Variants in USP24 observed in about 807,000 individuals in gnomAD.
The protein encoded by USP24 is ubiquitin carboxyl-terminal hydrolase 24.
USP24 carries 97 observed loss-of-function variants against 361.6 expected under a neutral mutation model. The observed-to-expected ratio is 0.27, with a 90% CI of 0.23 to 0.32. The LOEUF (loss-of-function observed/expected upper bound fraction) is 0.32, where lower values mean the gene tolerates loss of function less well. USP24 is among the 10% of genes least tolerant of loss of function. USP24 has a pLI of 1.00. For synonymous variants in USP24, 1,098 were observed against 1,124.6 expected, an observed-to-expected ratio of 0.98 and a Z score of 0.47; for missense variants, 2,353 against 3,165.6, an observed-to-expected ratio of 0.74 and a Z score of 6.16.
At chr1:55,175,152 G>A (rs904803155) in intron 3 of USP24, among the ~76,000 whole-genome samples, 1 of 150,014 alleles carries the variant, frequency 6.7e-6, no homozygotes, top group African/African-American at 2.4e-5. Flanking sequence ...AATCAAGGGA[G>A]ATTCTGCCTA....
intron 41 of USP24, 83 bp downstream of exon 41, chr1:55,106,063 C>G (rs1645764819): frequency 9.2e-7 from 1 of 1,082,664 alleles, no homozygotes; most frequent in Middle Eastern, 2.0e-4. Flanking sequence ...GGAAGACAAA[C>G]TCCAAGTTAA....
chr1:55,195,317 G>C (rs1018168101), intron 1 of USP24, among the ~76,000 whole-genome samples: 1 of 152,168 alleles, frequency 6.6e-6, no homozygotes, highest in Non-Finnish European at 1.5e-5. Context: ...TTCTCAGCCT[G>C]ATAAATTCCT....
intron 1 of USP24, among the ~76,000 whole-genome samples, chr1:55,197,772 T>C (rs1644459793): frequency 6.6e-6 from 1 of 152,226 alleles, no homozygotes; most frequent in South Asian, 2.1e-4. Flanking sequence ...AGTGACCAGG[T>C]GCTTAGGACA....
At chr1:55,119,622 G>C (rs908619093) in intron 38 of USP24, among the ~76,000 whole-genome samples, 1 of 151,906 alleles carries the variant, frequency 6.6e-6, no homozygotes, top group Non-Finnish European at 1.5e-5. Context: ...ACGTGTCTTT[G>C]AACAGTCTGT....
chr1:55,107,466 A>G, intron 39 of USP24, 36 bp from the exon 40 acceptor site: 1 of 1,517,450 alleles, frequency 6.6e-7, no homozygotes, highest in South Asian at 1.3e-5. Context: ...ACAAAGAAAG[A>G]AGGATTTCCC....
chr1:55,115,179 T>C (rs529604685), intron 38 of USP24, among the ~76,000 whole-genome samples: 44 of 152,150 alleles, frequency 2.9e-4, no homozygotes, highest in Middle Eastern at 3.4e-3. Flanking sequence ...AAAACCGCAA[T>C]GAGATACCAT....
chr1:55,122,993 AGGACCTGAG>A (rs1646326356), intron 36 of USP24, among the ~76,000 whole-genome samples: 1 of 152,204 alleles, frequency 6.6e-6, no homozygotes, highest in African/African-American at 2.4e-5. Flanking sequence ...AAGAGATGAT[AGGACCTGAG>A]CCCTGGGGTG....
chr1:55,103,616 T>C (rs2100518365), intron 42 of USP24, among the ~76,000 whole-genome samples: 1 of 152,348 alleles, frequency 6.6e-6, no homozygotes, highest in South Asian at 2.1e-4. Flanking sequence ...TAGGTTGGAA[T>C]GCTACTTTTT....
chr1:55,145,785 T>C (rs1647012098), intron 20 of USP24, among the ~76,000 whole-genome samples: 1 of 152,192 alleles, frequency 6.6e-6, no homozygotes, highest in South Asian at 2.1e-4. Context: ...CAATTTGATC[T>C]AGCAGGCCAT....
At chr1:55,211,560 A>G (rs574734213) in intron 1 of USP24, among the ~76,000 whole-genome samples, 1 of 152,318 alleles carries the variant, frequency 6.6e-6, no homozygotes, top group African/African-American at 2.4e-5. Context: ...CTGTTCAAAT[A>G]TTAATTTTTA....
intron 45 of USP24, among the ~76,000 whole-genome samples, chr1:55,098,984 C>T (rs747041902): frequency 2.6e-5 from 4 of 152,166 alleles, no homozygotes; most frequent in African/African-American, 4.8e-5. Context: ...AAGGCAATAC[C>T]GTTTAGGAAG....
chr1:55,136,138 G>T (rs2100663906), intron 28 of USP24, among the ~76,000 whole-genome samples: 1 of 152,228 alleles, frequency 6.6e-6, no homozygotes, highest in East Asian at 1.9e-4. Context: ...GTAGGAAAGA[G>T]GCTGAAAATC....
intron 42 of USP24, among the ~76,000 whole-genome samples, chr1:55,102,118 C>A (rs1645650519): frequency 6.6e-6 from 1 of 151,962 alleles, no homozygotes; most frequent in Admixed American, 6.6e-5. Context: ...AAATGTCCTA[C>A]TATATATTCA....
chr1:55,154,543 A>C, intron 13 of USP24, 77 bp from the exon 14 acceptor site: 1 of 1,499,134 alleles, frequency 6.7e-7, no homozygotes, highest in African/African-American at 1.4e-5. Context: ...ACTTGAGCTA[A>C]AAACATTAAC....
chr1:55,153,078 C>T (rs1182335668), intron 16 of USP24, among the ~76,000 whole-genome samples: 1 of 152,144 alleles, frequency 6.6e-6, no homozygotes, highest in Admixed American at 6.5e-5. Context: ...CAGTGCTAGG[C>T]TTTAAGTTTG....
chr1:55,097,038 G>A lies in USP24; in HGVS notation c.5850C>T (p.Leu1950=). The part of the protein sequence containing the change: ...GGGSPRKKVA[L]TENYELVGVI... Reference sequence around the variant, plus strand: ...CACCGACAAGTTCATAGTTTTCTGTGAGGGCAACCTTTTTTCGTGGGGATC... The same window carrying A: ...CACCGACAAGTTCATAGTTTTCTGTAAGGGCAACCTTTTTTCGTGGGGATC... Residue 1950 remains leucine (L), a synonymous_variant, in exon 49 of 68, where the codon CTC becomes CTT. Coordinates refer to ENST00000294383, the MANE Select transcript of USP24 (RefSeq NM_015306.3). The A allele has an allele frequency of 6.2e-7, 1 of 1,613,860 alleles. No individual in the cohort carries two copies. The highest frequency in any genetic ancestry group is 2.2e-5 in the East Asian group (1 of 44,856).
At chr1:55,089,775 C>G (rs375680174) in intron 54 of USP24, 35 bp from the exon 55 acceptor site, 3 of 1,478,932 alleles carry the variant, frequency 2.0e-6, no homozygotes, top group African/African-American at 2.8e-5. Flanking sequence ...ATGTTAGGAG[C>G]ATAAGCCCAG....
chr1:55,164,905 C>A (rs1316232705), intron 7 of USP24, among the ~76,000 whole-genome samples: 1 of 151,808 alleles, frequency 6.6e-6, no homozygotes, highest in Non-Finnish European at 1.5e-5. Context: ...TTCCAACATA[C>A]TTGATCTATT....
intron 1 of USP24, among the ~76,000 whole-genome samples, chr1:55,214,013 C>T (rs1308796424): frequency 1.3e-5 from 2 of 152,020 alleles, no homozygotes; most frequent in African/African-American, 2.4e-5. Context: ...TTACCCAGAC[C>T]TGGTGCCAGC....
Sources: allele counts gnomAD v4.1 joint callset (sites outside exome capture counted in the v4.1 genomes callset), GRCh38; gene constraint gnomAD v4.1.1; transcripts MANE v1.5; gene names NCBI Gene and HGNC (gene_info 2026-07-23, HGNC 2026-07-21).